The following NBEA variants were observed in gnomAD, a reference collection of about 807,000 sequenced individuals.
The protein encoded by NBEA is neurobeachin, also known as lysosomal-trafficking regulator 2.
Under a neutral mutation model 343.4 loss-of-function variants are expected in NBEA, and 44 were observed. That is an observed-to-expected ratio of 0.13 (90% CI 0.10 to 0.16). The LOEUF (loss-of-function observed/expected upper bound fraction) is 0.16. Ranked by LOEUF, NBEA falls within the 10% of genes least tolerant of loss-of-function variation. The pLI is 1.00. For synonymous variants in NBEA, 1,175 were observed against 1,238.7 expected (o/e 0.95, Z 1.08); for missense variants, 2,555 against 3,631.3 (o/e 0.70, Z 7.62).
intron 51 of NBEA, 53 bp from the exon 52 acceptor site, chr13:35,649,598 CACTA>C (rs1392778269): frequency 1.4e-6 from 2 of 1,433,678 alleles, no homozygotes; most frequent in Non-Finnish European, 2.0e-6. Flanking sequence ...CTAGACCTTT[CACTA>C]ACTATGTTAT....
intron 10 of NBEA, among the ~76,000 whole-genome samples, chr13:35,083,450 A>G (rs1472920487): frequency 6.6e-6 from 1 of 152,130 alleles, no homozygotes; most frequent in East Asian, 1.9e-4. Context: ...GTGGGGGCCA[A>G]TATTCAAAAT....
At chr13:35,178,167 A>C (rs1192320029) in intron 28 of NBEA, among the ~76,000 whole-genome samples, 1 of 151,698 alleles carries the variant, frequency 6.6e-6, no homozygotes, top group Non-Finnish European at 1.5e-5. Flanking sequence ...AATACCTAGC[A>C]TTGTCTGGGT....
At chr13:35,381,227 A>T (rs1008591362) in intron 38 of NBEA, among the ~76,000 whole-genome samples, 1 of 152,082 alleles carries the variant, frequency 6.6e-6, no homozygotes, top group African/African-American at 2.4e-5. Context: ...TGGTAGTTCA[A>T]TTAATATGTC....
intron 38 of NBEA, among the ~76,000 whole-genome samples, chr13:35,360,082 A>C: frequency 6.6e-6 from 1 of 152,118 alleles, no homozygotes; most frequent in African/African-American, 2.4e-5. Flanking sequence ...CCTGTATTAC[A>C]CAGCTAAGTA....
At chr13:35,596,759 T>G (rs1300522494) in intron 47 of NBEA, among the ~76,000 whole-genome samples, 1 of 152,180 alleles carries the variant, frequency 6.6e-6, no homozygotes, top group African/African-American at 2.4e-5. Flanking sequence ...GCTATGTAGA[T>G]GTCAGAAAAG....
At chr13:35,019,152 G>A (rs1270937028) in intron 1 of NBEA, among the ~76,000 whole-genome samples, 1 of 151,020 alleles carries the variant, frequency 6.6e-6, no homozygotes, top group African/African-American at 2.4e-5. Context: ...GATTTAATTT[G>A]GTATATATTA....
chr13:34,989,645 A>G (rs2152514493), intron 1 of NBEA, among the ~76,000 whole-genome samples: 1 of 150,910 alleles, frequency 6.6e-6, no homozygotes, highest in East Asian at 1.9e-4. Flanking sequence ...ACACAGAGCC[A>G]AACTATATCA....
At chr13:35,117,027 GGA>G (rs1306033187) in intron 13 of NBEA, among the ~76,000 whole-genome samples, 1 of 151,802 alleles carries the variant, frequency 6.6e-6, no homozygotes, top group Non-Finnish European at 1.5e-5. Context: ...GGGTGAAAAT[GGA>G]GAGAGTCCTT....
At chr13:35,464,943 A>G (rs1566172008) in intron 40 of NBEA, among the ~76,000 whole-genome samples, 1 of 152,188 alleles carries the variant, frequency 6.6e-6, no homozygotes, top group Non-Finnish European at 1.5e-5. Flanking sequence ...GCTGAATTAA[A>G]TATGTCTCTA....
chr13:35,569,424 G>A lies in NBEA; in HGVS notation c.7035+2407G>A, dbSNP rs149280055. ...TTCTCAGGTAGCATATTACAACCTC[G>A]TACGATGACTACTATTATGGCTATT... On this transcript the variant is annotated intron_variant, in intron 45 of 58. Coordinates refer to ENST00000379939, the MANE Select transcript of NBEA (RefSeq NM_001385012.1). Among the ~76,000 whole-genome samples the A allele has an allele frequency of 4.3e-3, 659 of 152,212 alleles. 9 individuals are homozygous for A. The highest frequency in any genetic ancestry group is 8.6e-3 in the Admixed American group (132 of 15,290).
chr13:35,527,806 C>T (rs550195334), intron 41 of NBEA, among the ~76,000 whole-genome samples: 1 of 152,274 alleles, frequency 6.6e-6, no homozygotes, highest in East Asian at 1.9e-4. Flanking sequence ...AGGCGGGGCT[C>T]CCACCTGTTC....
intron 48 of NBEA, among the ~76,000 whole-genome samples, chr13:35,612,771 C>A (rs1230913981): frequency 6.6e-6 from 1 of 152,078 alleles, no homozygotes; most frequent in Admixed American, 6.5e-5. Flanking sequence ...GCTAAACAAG[C>A]AAGACCTACC....
At chr13:35,393,608 A>T (rs1264361580) in intron 38 of NBEA, among the ~76,000 whole-genome samples, 1 of 152,134 alleles carries the variant, frequency 6.6e-6, no homozygotes, top group Non-Finnish European at 1.5e-5. Context: ...ACATTTATGG[A>T]AAATTCAGGT....
chr13:35,177,018 G>A lies in NBEA; in HGVS notation c.4577G>A (p.Gly1526Asp), dbSNP rs1566413301. ...AAGACTCCATTGGAAAATGTTCCAG[G>A]TAACCTTTCTCCTATTAAGGATCCG... ...ASKTPLENVP[G>D]NLSPIKDPDR... is the part of the protein sequence containing the mutation. The change falls in exon 28 of 59, where the codon GGT becomes GAT. Residue 1526 changes from glycine to aspartate, a missense_variant. Physicochemically the swap from Gly to Asp is moderately conservative, Grantham distance 94 (BLOSUM62 -1). Around this residue, in one of 21 missense-constraint regions of NBEA, gnomAD observed 168 missense variants for 193.0 expected, o/e 0.87. Transcript: ENST00000379939. The A allele has an allele frequency of 6.3e-7, 1 of 1,599,186 alleles. No individual in the cohort carries two copies.
intron 1 of NBEA, among the ~76,000 whole-genome samples, chr13:34,954,442 G>T (rs568004381): frequency 7.2e-5 from 11 of 152,232 alleles, no homozygotes; most frequent in Middle Eastern, 3.4e-3. Context: ...CTCATCTTTG[G>T]TATAGTTAGT....
At chr13:35,314,706 G>C (rs1482113129) in intron 36 of NBEA, among the ~76,000 whole-genome samples, 1 of 152,096 alleles carries the variant, frequency 6.6e-6, no homozygotes, top group Non-Finnish European at 1.5e-5. Context: ...GTAGAATACT[G>C]TAGCACCTTT....
intron 38 of NBEA, among the ~76,000 whole-genome samples, chr13:35,429,624 T>A (rs1271427920): frequency 6.6e-6 from 1 of 152,158 alleles, no homozygotes; most frequent in East Asian, 1.9e-4. Flanking sequence ...TTCTCTTTTT[T>A]AAAATCTATT....
intron 48 of NBEA, among the ~76,000 whole-genome samples, chr13:35,615,569 T>C (rs1314927717): frequency 6.6e-6 from 1 of 152,152 alleles, no homozygotes; most frequent in Non-Finnish European, 1.5e-5. Flanking sequence ...GGTCTTGAAC[T>C]CCTGACCTCA....
chr13:35,533,101 C>T (rs952947922), intron 41 of NBEA, among the ~76,000 whole-genome samples: 3 of 152,078 alleles, frequency 2.0e-5, no homozygotes, highest in East Asian at 1.9e-4. Context: ...ATTATTTGTG[C>T]GCCCACTAGC....
Sources: gnomAD v4.1 joint callset for allele counts (sites outside exome capture counted in the v4.1 genomes callset) on GRCh38, gnomAD v4.1.1 for gene constraint, gnomAD v4.1.1 regional missense constraint, MANE v1.5 for transcripts, NCBI Gene and HGNC (gene_info 2026-07-23, HGNC 2026-07-21) for gene names.